Variants in TC2N observed in about 807,000 individuals in gnomAD.
TC2N encodes tandem C2 domains, nuclear.
A neutral mutation model predicts 61.9 loss-of-function variants in TC2N; 51 were observed. That is an observed-to-expected ratio of 0.82 (90% CI 0.66 to 1.04). The LOEUF (loss-of-function observed/expected upper bound fraction) is 1.04, where lower values mean the gene tolerates loss of function less well. Ranked by LOEUF, TC2N falls within the 50% of genes least tolerant of loss-of-function variation. TC2N has a pLI of 0.00. For synonymous variants in TC2N, 204 were observed against 192.6 expected (o/e 1.06, Z -0.49); for missense variants, 556 against 566.7 (o/e 0.98, Z 0.19).
chr14:91,783,445 A>G (rs970434840), intron 11 of TC2N, among the ~76,000 whole-genome samples: 12 of 152,092 alleles, frequency 7.9e-5, no homozygotes, highest in Non-Finnish European at 1.5e-4. Context: ...CAGTTCAAAA[A>G]TTCAAGGTGA....
chr14:91,822,482 T>C (rs1342914064), intron 1 of TC2N, among the ~76,000 whole-genome samples: 1 of 152,108 alleles, frequency 6.6e-6, no homozygotes, highest in Non-Finnish European at 1.5e-5. Flanking sequence ...ATTTTGTCTT[T>C]AATTTGGCTT....
chr14:91,865,032 G>A (rs192515148), intron 1 of TC2N, among the ~76,000 whole-genome samples: 3 of 151,642 alleles, frequency 2.0e-5, no homozygotes, highest in Admixed American at 6.6e-5. Context: ...TGCCCACTTC[G>A]GCCTCCCAGA....
intron 1 of TC2N, among the ~76,000 whole-genome samples, chr14:91,860,338 A>G (rs900299700): frequency 6.6e-6 from 1 of 152,096 alleles, no homozygotes; most frequent in Non-Finnish European, 1.5e-5. Context: ...TTGCAAAAAA[A>G]AAAAAAAAGT....
At chr14:91,785,111 A>T in intron 11 of TC2N, 51 bp downstream of exon 11, 1 of 1,260,674 alleles carries the variant, frequency 7.9e-7, no homozygotes, top group Non-Finnish European at 1.1e-6. Context: ...TTGTTAACTG[A>T]CTGTTTAAAT....
intron 1 of TC2N, among the ~76,000 whole-genome samples, chr14:91,848,136 GGATAA>G (rs1489376924): frequency 6.6e-6 from 1 of 152,198 alleles, no homozygotes; most frequent in Admixed American, 6.5e-5. Context: ...CTGGCAAAGA[GGATAA>G]GATATCATTT....
At chr14:91,817,381 A>G (rs1887053615) in intron 1 of TC2N, among the ~76,000 whole-genome samples, 1 of 151,928 alleles carries the variant, frequency 6.6e-6, no homozygotes, top group African/African-American at 2.4e-5. Flanking sequence ...TAACCACCCA[A>G]ATCAAACGAA....
At chr14:91,783,407 G>A (rs1019298402) in intron 11 of TC2N, among the ~76,000 whole-genome samples, 197 bp from the exon 12 acceptor site, 1 of 151,968 alleles carries the variant, frequency 6.6e-6, no homozygotes, top group Non-Finnish European at 1.5e-5. Context: ...AACCTGCTTA[G>A]TCATTCTGAA....
chr14:91,784,261 T>C (rs1371623259), intron 11 of TC2N, among the ~76,000 whole-genome samples: 2 of 152,160 alleles, frequency 1.3e-5, no homozygotes, highest in Admixed American at 1.3e-4. Context: ...ACGAAAACTT[T>C]AACTGAATTG....
At chr14:91,851,285 G>A (rs560616078) in intron 1 of TC2N, among the ~76,000 whole-genome samples, 1 of 152,290 alleles carries the variant, frequency 6.6e-6, no homozygotes, top group East Asian at 1.9e-4. Context: ...TACAGGGTGT[G>A]TATAAATATT....
chr14:91,856,514 G>A (rs1296316516), intron 1 of TC2N, among the ~76,000 whole-genome samples: 2 of 151,832 alleles, frequency 1.3e-5, no homozygotes, highest in Non-Finnish European at 2.9e-5. Context: ...GACAAGTTTA[G>A]GGAAGAAAAA....
intron 3 of TC2N, among the ~76,000 whole-genome samples, chr14:91,803,149 A>G (rs1217538032): frequency 6.6e-6 from 1 of 152,126 alleles, no homozygotes; most frequent in Non-Finnish European, 1.5e-5. Flanking sequence ...TTTTCACTAA[A>G]AGGTGATAAG....
chr14:91,799,513 A>G (rs1323563472), intron 5 of TC2N, among the ~76,000 whole-genome samples: 2 of 152,226 alleles, frequency 1.3e-5, no homozygotes, highest in African/African-American at 4.8e-5. Flanking sequence ...CTACTGAATT[A>G]AGAACTCTGA....
Position 91,798,298 on chromosome 14 carries a change from C to T in TC2N, c.738+1G>A, listed in dbSNP as rs1447702427. The T allele has an allele frequency of 1.4e-6, 2 of 1,462,762 alleles. No individual in the cohort carries two copies. Among genetic ancestry groups the T allele is most frequent in the Non-Finnish European group, 1.9e-6 (2 of 1,063,422 alleles). The allele number at this position is 1,462,762 out of a possible 1,614,324, so 90.6% of individuals were successfully genotyped here. ...AGCTGGTATTAACTATACTAATTTACCTGTAAAACTGTGATCCAGATCTGT... is the reference window on the plus strand; with the variant it reads ...AGCTGGTATTAACTATACTAATTTATCTGTAAAACTGTGATCCAGATCTGT... On this transcript the variant is annotated splice_donor_variant, in intron 7 of 11. Coordinates refer to ENST00000435962, the MANE Select transcript of TC2N (RefSeq NM_001128596.3). LOFTEE classifies it high-confidence loss of function.
chr14:91,787,716 A>C, intron 9 of TC2N, 89 bp from the exon 10 acceptor site: 1 of 712,782 alleles, frequency 1.4e-6, no homozygotes, highest in South Asian at 1.9e-5. Context: ...AAGGTTAGAA[A>C]TTTTGAAAGT....
chr14:91,815,482 G>T (rs1304514962), intron 1 of TC2N, among the ~76,000 whole-genome samples: 1 of 151,556 alleles, frequency 6.6e-6, no homozygotes, highest in Non-Finnish European at 1.5e-5. Flanking sequence ...CATTTACCAG[G>T]AAATTAAATT....
At chr14:91,788,362 C>A (rs1382539064) in intron 9 of TC2N, among the ~76,000 whole-genome samples, 1 of 152,144 alleles carries the variant, frequency 6.6e-6, no homozygotes, top group Non-Finnish European at 1.5e-5. Context: ...AGGTGGATTC[C>A]AAGGTCCTTG....
chr14:91,789,262 G>A (rs1299085566), intron 9 of TC2N, among the ~76,000 whole-genome samples: 1 of 151,568 alleles, frequency 6.6e-6, no homozygotes, highest in Non-Finnish European at 1.5e-5. Flanking sequence ...TTCAATTCAT[G>A]TTCCAGGACA....
In TC2N at chr14:91,782,028, A is replaced by AT. The variant is rs1387981814; in HGVS notation, c.*1071dup. On this transcript the variant is annotated 3_prime_UTR_variant, in exon 12 of 12. Transcript: ENST00000435962. ...TACTTATTAGCAAAAATAAAGTGAG[A>AT]TTTTCTAAAATCAGGTATAATGTCA... 9.2e-5 allele frequency: 14 copies of AT among 152,026 alleles called. No individual in the cohort carries two copies. The highest frequency in any genetic ancestry group is 1.2e-4 in the Non-Finnish European group (8 of 67,930). The allele number at this position is 152,026 out of a possible 1,614,324, so 9.4% of individuals were successfully genotyped here. A position where few individuals can be genotyped will look rare whatever the true frequency, so the allele number is the denominator to read the frequency against.
At position 91,802,318 on chromosome 14, in the gene TC2N, G is replaced by A. The variant is rs1231997769; in HGVS notation, c.405C>T (p.His135=). 1 of 1,609,236 alleles carries A rather than the reference G, an allele frequency of 6.2e-7. No homozygotes were observed. Residue 135 remains histidine (H), a synonymous_variant, in exon 4 of 12, where the codon CAC becomes CAT. Transcript: ENST00000435962. The stretch of plus-strand genomic sequence containing the variant: ...AGCGTCGACTCAAATCAGGTGAAAT[G>A]TGCTGATACATATAGAATGGGTTAT... ...DVYNPFYMYQ[H]ISPDLSRRFP... is the part of the protein sequence containing the mutation.
Sources: gnomAD v4.1 joint callset for allele counts (sites outside exome capture counted in the v4.1 genomes callset) on GRCh38, gnomAD v4.1.1 for gene constraint, MANE v1.5 for transcripts, NCBI Gene and HGNC (gene_info 2026-07-23, HGNC 2026-07-21) for gene names.